The following KHDC1 variants were observed in gnomAD, a reference collection of about 807,000 sequenced individuals.
KHDC1 encodes KH homology domain-containing protein 1.
Under a neutral mutation model 24.7 loss-of-function variants are expected in KHDC1, and 21 were observed. The observed-to-expected ratio is 0.85, with a 90% CI of 0.60 to 1.23. The LOEUF (loss-of-function observed/expected upper bound fraction) is 1.23. Ranked by LOEUF, KHDC1 falls within the 50% of genes most tolerant of loss-of-function variation. KHDC1 has a pLI of 0.00. For synonymous variants in KHDC1, 98 were observed against 111.7 expected (o/e 0.88, Z 0.77); for missense variants, 274 against 298.5 (o/e 0.92, Z 0.61).
At chr6:73,304,910 A>G (rs1188615127) in intron 1 of KHDC1, among the ~76,000 whole-genome samples, 1 of 152,110 alleles carries the variant, frequency 6.6e-6, no homozygotes, top group East Asian at 1.9e-4. Flanking sequence ...TTCTGGGAAC[A>G]TATATAACAA....
intron 2 of KHDC1, among the ~76,000 whole-genome samples, chr6:73,261,448 T>C (rs1357380406): frequency 6.7e-6 from 1 of 149,800 alleles, no homozygotes; most frequent in Non-Finnish European, 1.5e-5. Flanking sequence ...AATAAATAAA[T>C]AAATAAAATT....
intron 2 of KHDC1, chr6:73,269,490 C>T (rs914326130): frequency 3.3e-5 from 5 of 152,414 alleles, no homozygotes; most frequent in Non-Finnish European, 7.3e-5. Context: ...CTGGGCCTCC[C>T]AAAGTGCTGG....
At chr6:73,242,265 T>A in intron 3 of KHDC1, 28 bp from the exon 3 acceptor site, 1 of 1,607,674 alleles carries the variant, frequency 6.2e-7, no homozygotes, top group African/African-American at 1.3e-5. Flanking sequence ...GAGAGGAGGT[T>A]CTGTCAAGCA....
At chr6:73,262,303 T>G (rs1766994926) in intron 2 of KHDC1, among the ~76,000 whole-genome samples, 1 of 152,246 alleles carries the variant, frequency 6.6e-6, no homozygotes, top group South Asian at 2.1e-4. Context: ...TAGCAAGTGC[T>G]ACGTAAATGT....
Position 73,280,514 on chromosome 6 carries a change from CTTTTT to C in KHDC1, c.206+11479_206+11483del, listed in dbSNP as rs55832102. On this transcript the variant is annotated intron_variant, in intron 2 of 4. Coordinates refer to ENST00000370384, the Ensembl canonical transcript of KHDC1. ...TGTGAATTACAATGGTCTTTAATTT[CTTTTT>C]TTTTTTTTTTTTTTTGAGACTTTTT... is the stretch of plus-strand genomic sequence containing the variant. Among the ~76,000 whole-genome samples, 434 of 117,464 alleles carry C rather than the reference CTTTTT, an allele frequency of 3.7e-3. 1 individual carries two copies. Among genetic ancestry groups the C allele is most frequent in the African/African-American group, 0.012 (371 of 31,452 alleles). 77.1% of individuals were successfully genotyped at this position (117,464 alleles called of 152,430 possible).
At chr6:73,304,696 G>T (rs1767930383) in intron 1 of KHDC1, among the ~76,000 whole-genome samples, 1 of 152,088 alleles carries the variant, frequency 6.6e-6, no homozygotes, top group Non-Finnish European at 1.5e-5. Flanking sequence ...CAAAGAAAAG[G>T]TTGGCAACAT....
intron 2 of KHDC1, among the ~76,000 whole-genome samples, chr6:73,257,293 A>G (rs1433297869): frequency 6.6e-6 from 1 of 152,152 alleles, no homozygotes; most frequent in African/African-American, 2.4e-5. Flanking sequence ...GTTCGTCTCA[A>G]AAGAACAAAA....
At chr6:73,241,863 T>A in intron 4 of KHDC1, 135 bp from the exon 4 acceptor site, 11 of 1,079,720 alleles carry the variant, frequency 1.0e-5, no homozygotes, top group Admixed American at 2.6e-5. Flanking sequence ...CATTTACACC[T>A]CCCAGCTACC....
chr6:73,304,205 A>G (rs987466473), intron 1 of KHDC1, among the ~76,000 whole-genome samples: 39 of 152,136 alleles, frequency 2.6e-4, no homozygotes, highest in African/African-American at 8.9e-4. Flanking sequence ...AAATTGTTCT[A>G]CGGTTAGGTA....
At chr6:73,255,238 A>G (rs1252282513) in intron 2 of KHDC1, among the ~76,000 whole-genome samples, 35 of 118,080 alleles carry the variant, frequency 3.0e-4, no homozygotes, top group Non-Finnish European at 5.4e-4. Flanking sequence ...TTTTTTTGAG[A>G]AGGGGGTCTC....
intron 2 of KHDC1, among the ~76,000 whole-genome samples, chr6:73,286,493 A>G (rs1767526217): frequency 6.6e-6 from 1 of 152,232 alleles, no homozygotes; most frequent in Non-Finnish European, 1.5e-5. Flanking sequence ...TTGATCAACT[A>G]AGCACTGAGA....
At chr6:73,273,534 G>A (rs1480525248) in intron 2 of KHDC1, among the ~76,000 whole-genome samples, 1 of 151,090 alleles carries the variant, frequency 6.6e-6, no homozygotes, top group Admixed American at 6.6e-5. Flanking sequence ...AGCCAGGCAC[G>A]GGCCGGGCGC....
chr6:73,253,138 G>C (rs1398248607), intron 2 of KHDC1, among the ~76,000 whole-genome samples: 2 of 152,076 alleles, frequency 1.3e-5, no homozygotes. Flanking sequence ...CAGTGAAATA[G>C]AACAGAAAAC....
chr6:73,289,195 A>G (rs1303730977), intron 2 of KHDC1, among the ~76,000 whole-genome samples: 2 of 151,370 alleles, frequency 1.3e-5, no homozygotes, highest in African/African-American at 4.9e-5. Context: ...TTAGACAGGC[A>G]TGGTGGCACA....
At chr6:73,279,458 ATCTC>A (rs1370072626) in intron 2 of KHDC1, among the ~76,000 whole-genome samples, 7 of 152,058 alleles carry the variant, frequency 4.6e-5, no homozygotes, top group Admixed American at 3.3e-4. Context: ...CTGTATATAA[ATCTC>A]TCTATATGCT....
At chr6:73,292,109 A>C in intron 1 of KHDC1, 1 of 1,601,320 alleles carries the variant, frequency 6.2e-7, no homozygotes, top group African/African-American at 1.3e-5. Context: ...TGATGCCAAC[A>C]TGGTAGACTT....
At chr6:73,288,615 C>T (rs530240750) in intron 2 of KHDC1, among the ~76,000 whole-genome samples, 225 of 146,486 alleles carry the variant, frequency 1.5e-3, no homozygotes, top group African/African-American at 5.6e-3. Flanking sequence ...AGTAAGACTT[C>T]GTCTTAAAAA....
chr6:73,267,536 A>G (rs1024838915), intron 2 of KHDC1, among the ~76,000 whole-genome samples: 1 of 152,180 alleles, frequency 6.6e-6, no homozygotes, highest in African/African-American at 2.4e-5. Flanking sequence ...GTTGGCAAAG[A>G]TATTGAGAAA....
At chr6:73,283,979 T>C (rs1382820691) in intron 2 of KHDC1, among the ~76,000 whole-genome samples, 1 of 152,040 alleles carries the variant, frequency 6.6e-6, no homozygotes, top group African/African-American at 2.4e-5. Flanking sequence ...GAGAGAAGTC[T>C]AGCATGGCTG....
Sources: allele counts gnomAD v4.1 joint callset (sites outside exome capture counted in the v4.1 genomes callset), GRCh38; gene constraint gnomAD v4.1.1; transcripts MANE v1.5; gene names NCBI Gene and HGNC (gene_info 2026-07-23, HGNC 2026-07-21).